CMTR1: variants seen among roughly 807,000 people sequenced by gnomAD.
The protein encoded by CMTR1 is cap methyltransferase 1.
CMTR1 carries 39 observed loss-of-function variants against 107.0 expected under a neutral mutation model. The observed-to-expected ratio is 0.36, with a 90% CI of 0.28 to 0.48. The LOEUF (loss-of-function observed/expected upper bound fraction) is 0.48, where lower values mean the gene tolerates loss of function less well. Among genes scored for constraint, CMTR1 ranks in the 20% least tolerant of loss-of-function variants. The pLI is 0.99. For missense variants in CMTR1, 672 were observed against 1,064.9 expected (o/e 0.63, Z 5.14); for synonymous variants, 366 against 379.5 (o/e 0.96, Z 0.41).
In CMTR1 at chr6:37,470,414, G is replaced by A. The variant is rs111725666; in HGVS notation, c.1506-607G>A. On this transcript the variant is annotated intron_variant, in intron 13 of 23. Transcript: ENST00000373451. Reference sequence around the variant, plus strand: ...GCCCGCCTCAGCCTCCCAAAGTGCTGGGATTACAGGTGTGAGCCACCGCGC... The same window carrying A: ...GCCCGCCTCAGCCTCCCAAAGTGCTAGGATTACAGGTGTGAGCCACCGCGC... 7.0e-3 allele frequency among the ~76,000 whole-genome samples: 1,066 copies of A among 152,116 alleles called. 12 individuals are homozygous for A. Among genetic ancestry groups the A allele is most frequent in the African/African-American group, 0.024 (998 of 41,520 alleles).
the CMTR1 span, among the ~76,000 whole-genome samples, chr6:37,425,454 T>C: frequency 1.3e-5 from 2 of 151,460 alleles, no homozygotes; most frequent in African/African-American, 4.9e-5. Flanking sequence ...GTGCCACGCC[T>C]GGCTAATTTT....
At chr6:37,471,726 C>T in intron 14 of CMTR1, 121 bp from the exon 15 acceptor site, 1 of 777,030 alleles carries the variant, frequency 1.3e-6, no homozygotes, top group Non-Finnish European at 2.1e-6. Context: ...AGCATAGTGT[C>T]TGTGTGTACA....
the CMTR1 span, among the ~76,000 whole-genome samples, chr6:37,425,314 C>T: frequency 3.5e-5 from 5 of 144,248 alleles, no homozygotes; most frequent in South Asian, 2.2e-4. Context: ...TTTTTTTCCC[C>T]GAGACAAAGT....
Position 37,435,628 on chromosome 6 carries a change from C to A in CMTR1, c.-2C>A. 1 of 1,594,980 alleles carries A rather than the reference C, an allele frequency of 6.3e-7. No individual in the cohort carries two copies. The highest frequency in any genetic ancestry group is 8.5e-7 in the Non-Finnish European group (1 of 1,172,416). On this transcript the variant is annotated 5_prime_UTR_variant, in exon 2 of 24. Transcript: ENST00000373451. ...TGACTGGATTTATGGTTACAGTTAACGATGAAGAGGAGAACTGACCCAGAA... is the reference window on the plus strand; with the variant it reads ...TGACTGGATTTATGGTTACAGTTAAAGATGAAGAGGAGAACTGACCCAGAA...
rs1384503250 is a variant in CMTR1, at chr6:37,478,401, G to A, written c.2154-8G>A. The A allele has an allele frequency of 1.2e-6, 2 of 1,611,364 alleles. No individual in the cohort carries two copies. The highest frequency in any genetic ancestry group is 2.2e-5 in the South Asian group (2 of 91,010). ...TCTCTCATGCACGTACCTTCTCGGG[G>A]AAATCAGGTTGGAGATGAAGATCAT... is the stretch of plus-strand genomic sequence containing the variant. On this transcript the variant is annotated splice_polypyrimidine_tract_variant and splice_region_variant and intron_variant, in intron 21 of 23. Coordinates refer to ENST00000373451, the MANE Select transcript of CMTR1 (RefSeq NM_015050.3).
In CMTR1 at chr6:37,444,069, C is replaced by T. The variant is rs905813720; in HGVS notation, c.204C>T (p.Asp68=). Residue 68 remains aspartate, a synonymous_variant, in exon 3 of 24, where the codon GAC becomes GAT. Transcript: ENST00000373451. ...AACAACACAGCTCTGACTCTTTTGA[C>T]GATGCATTCAAAGCAGACTCTCTTG... is the stretch of plus-strand genomic sequence containing the variant. ...EGKQHSSDSF[D]DAFKADSLVE... The T allele has an allele frequency of 3.7e-5, 59 of 1,614,018 alleles. No homozygotes were observed. Among genetic ancestry groups the T allele is most frequent in the Admixed American group, 1.3e-4 (8 of 59,998 alleles).
chr6:37,469,509 T>C (rs1299248903), intron 13 of CMTR1, among the ~76,000 whole-genome samples: 2 of 149,794 alleles, frequency 1.3e-5, no homozygotes, highest in Non-Finnish European at 3.0e-5. Context: ...TTTGTCAATA[T>C]GTTGTTTTAT....
rs141593198 is a variant in CMTR1, at chr6:37,473,572, A to G, written c.1792A>G (p.Ser598Gly). Reference protein sequence around the residue: ...VFDYRCMVSGSEQKFLIGLGK... With the variant: ...VFDYRCMVSGGEQKFLIGLGK... ...TGACTACCGCTGCATGGTATCTGGC[A>G]GTGAGCAGAAGTTCCTCATCGGCCT... The change falls in exon 17 of 24, where the codon AGT becomes GGT. Residue 598 changes from serine (S) to glycine (G), a missense_variant. Transcript: ENST00000373451. 747 of 1,614,094 alleles carry G rather than the reference A, an allele frequency of 4.6e-4. 1 individual carries two copies. Among genetic ancestry groups the G allele is most frequent in the Non-Finnish European group, 5.8e-4 (684 of 1,179,986 alleles).
chr6:37,471,109 A>G (rs1319830480), intron 14 of CMTR1, 32 bp downstream of exon 14: 1 of 1,550,996 alleles, frequency 6.4e-7, no homozygotes, highest in Non-Finnish European at 8.7e-7. Context: ...GAAACCACCT[A>G]TTTCAAGGGA....
At chr6:37,469,315 T>C (rs1761575838) in intron 13 of CMTR1, among the ~76,000 whole-genome samples, 1 of 152,064 alleles carries the variant, frequency 6.6e-6, no homozygotes, top group South Asian at 2.1e-4. Context: ...ACCTGTTGTT[T>C]TTCTGTATGT....
At chr6:37,473,929 A>C (rs1375001159) in intron 17 of CMTR1, among the ~76,000 whole-genome samples, 2 of 152,126 alleles carry the variant, frequency 1.3e-5, no homozygotes, top group Non-Finnish European at 2.9e-5. Flanking sequence ...TTCCTTTGCA[A>C]CACCACCACC....
At chr6:37,437,396 A>G (rs910101984) in intron 2 of CMTR1, among the ~76,000 whole-genome samples, 11 of 151,290 alleles carry the variant, frequency 7.3e-5, no homozygotes, top group East Asian at 2.0e-4. Context: ...GCGTGGTGGC[A>G]GGCGCCTGTA....
rs551680232 is a variant in CMTR1, at chr6:37,453,834, C to T, written c.777+522C>T. 4.6e-5 allele frequency among the ~76,000 whole-genome samples: 7 copies of T among 152,314 alleles called. No homozygotes were observed. In the East Asian group the frequency reaches 1.4e-3, roughly 29 times the overall value. ...TACCTTCTTTGGGCCTCAGCTCCCT[C>T]ATTCTGAAATGAGCCGTACTAACCT... On this transcript the variant is annotated intron_variant, in intron 8 of 23. Transcript: ENST00000373451.
At chr6:37,438,593 C>T (rs1164533020) in intron 2 of CMTR1, among the ~76,000 whole-genome samples, 1 of 152,226 alleles carries the variant, frequency 6.6e-6, no homozygotes, top group African/African-American at 2.4e-5. Context: ...CAAGACTGCT[C>T]CCTGTGCCTT....
chr6:37,462,293 C>T (rs929780052), intron 12 of CMTR1, among the ~76,000 whole-genome samples, 191 bp downstream of exon 12: 2 of 152,172 alleles, frequency 1.3e-5, no homozygotes, highest in East Asian at 1.9e-4. Flanking sequence ...GCCTCTGCCT[C>T]CTTCTTCCAA....
At chr6:37,469,521 C>CTTTTTTTTTTTTT (rs763917812) in intron 13 of CMTR1, among the ~76,000 whole-genome samples, 4 of 61,616 alleles carry the variant, frequency 6.5e-5, no homozygotes, top group African/African-American at 6.8e-5. Flanking sequence ...TTGTTTTATC[C>CTTTTTTTTTTTTT]TTTTTTTTTT....
the CMTR1 span, among the ~76,000 whole-genome samples, chr6:37,424,625 A>T: frequency 6.6e-6 from 1 of 152,170 alleles, no homozygotes; most frequent in Non-Finnish European, 1.5e-5. Context: ...AAAACAAAAT[A>T]CAGAGTTGCA....
chr6:37,458,845 G>A lies in CMTR1; in HGVS notation c.976+35G>A. 1 of 1,599,530 alleles carries A rather than the reference G, an allele frequency of 6.3e-7. No individual in the cohort carries two copies. The highest frequency in any genetic ancestry group is 8.6e-7 in the Non-Finnish European group (1 of 1,168,640). On this transcript the variant is annotated intron_variant, in intron 9 of 23. Transcript: ENST00000373451. This position sits in a 1 kb window ranked among gnomAD's most constrained non-coding sequence, Gnocchi z 4.7. The stretch of plus-strand genomic sequence containing the variant: ...TTGAGGAGGGTACTAGGAGGTATGA[G>A]GGACAGCCCCTCTATGGGGACTTCA...
In CMTR1 at chr6:37,471,046, C is replaced by T; in HGVS notation, c.1531C>T (p.Leu511=). The T allele has an allele frequency of 6.2e-7, 1 of 1,607,278 alleles. No individual in the cohort carries two copies. The highest frequency in any genetic ancestry group is 1.7e-5 in the Admixed American group (1 of 58,586). Residue 511 remains leucine (L), a synonymous_variant, in exon 14 of 24, where the codon CTG becomes TTG. Transcript: ENST00000373451. The part of the protein sequence containing the change: ...ESHCSLQIKA[L]AKIHAFVQDT... Reference sequence around the variant, plus strand: ...CCACTGTAGTCTGCAGATCAAAGCTCTGGCGAAAATCCATGCCTTTGTTCA... The same window carrying T: ...CCACTGTAGTCTGCAGATCAAAGCTTTGGCGAAAATCCATGCCTTTGTTCA...
Sources: gnomAD v4.1 joint callset for allele counts (sites outside exome capture counted in the v4.1 genomes callset) on GRCh38, gnomAD v4.1.1 for gene constraint, Gnocchi (gnomAD v3.1) non-coding constraint, MANE v1.5 for transcripts, NCBI Gene and HGNC (gene_info 2026-07-23, HGNC 2026-07-21) for gene names.